The following CSNK2A2IP variants were observed in gnomAD, a reference collection of about 807,000 sequenced individuals.
CSNK2A2IP encodes the protein casein kinase II subunit alpha'-interacting protein.
At chr3:88,399,847 G>T in the CSNK2A2IP span, 1 of 152,206 alleles carries the variant, frequency 6.6e-6, no homozygotes, top group Non-Finnish European at 1.5e-5. Flanking sequence ...AAAGAAAAAT[G>T]AACCGGGGAA....
At chr3:88,424,113 C>T in the CSNK2A2IP span, among the ~76,000 whole-genome samples, 10 of 152,138 alleles carry the variant, frequency 6.6e-5, no homozygotes, top group Admixed American at 2.0e-4. Flanking sequence ...TTACTTGTCC[C>T]TACTTCTAAA....
chr3:88,388,451 CTT>C, the CSNK2A2IP span, among the ~76,000 whole-genome samples: 1 of 152,136 alleles, frequency 6.6e-6, no homozygotes, highest in African/African-American at 2.4e-5. Flanking sequence ...ATGTTACAGT[CTT>C]TGGTCAGAAT....
At chr3:88,411,339 AC>A in the CSNK2A2IP span, among the ~76,000 whole-genome samples, 1 of 149,684 alleles carries the variant, frequency 6.7e-6, no homozygotes, top group African/African-American at 2.5e-5. Flanking sequence ...TAGCTCACTC[AC>A]TCTATCTATC....
chr3:88,465,478 C>T, the CSNK2A2IP span: 2 of 1,231,528 alleles, frequency 1.6e-6, no homozygotes, highest in African/African-American at 3.1e-5. Context: ...ATTCAATAAC[C>T]AACCTATGGC....
At chr3:88,379,191 T>C in the CSNK2A2IP span, among the ~76,000 whole-genome samples, 3 of 152,030 alleles carry the variant, frequency 2.0e-5, no homozygotes, top group Non-Finnish European at 4.4e-5. Flanking sequence ...ATAGCTCTAA[T>C]CAGCATTTTG....
At chr3:88,465,014 A>G in the CSNK2A2IP span, 2 of 172,504 alleles carry the variant, frequency 1.2e-5, no homozygotes, top group African/African-American at 4.7e-5. Context: ...TGTAGTCACT[A>G]CAAGAAAGTA....
the CSNK2A2IP span, among the ~76,000 whole-genome samples, chr3:88,358,728 T>A: frequency 7.2e-4 from 110 of 152,180 alleles, no homozygotes; most frequent in Non-Finnish European, 1.2e-3. Flanking sequence ...GTTGTTGAAT[T>A]TGACTTGCTA....
the CSNK2A2IP span, among the ~76,000 whole-genome samples, chr3:88,356,196 A>G: frequency 1.3e-5 from 2 of 152,078 alleles, no homozygotes; most frequent in African/African-American, 4.8e-5. Context: ...TATTTCGTCT[A>G]TCTAACTGTA....
At chr3:88,346,495 G>A in the CSNK2A2IP span, among the ~76,000 whole-genome samples, 1 of 151,772 alleles carries the variant, frequency 6.6e-6, no homozygotes, top group African/African-American at 2.4e-5. Context: ...GTGGAGCCAG[G>A]GATCCTTTAC....
chr3:88,411,747 T>G, the CSNK2A2IP span, among the ~76,000 whole-genome samples: 1 of 151,738 alleles, frequency 6.6e-6, no homozygotes, highest in East Asian at 1.9e-4. Context: ...GAAAATTTAG[T>G]GTCTGAATTG....
chr3:88,349,175 T>A, the CSNK2A2IP span, among the ~76,000 whole-genome samples: 1 of 151,996 alleles, frequency 6.6e-6, no homozygotes, highest in Non-Finnish European at 1.5e-5. Flanking sequence ...GCAGGTGGTT[T>A]TTGGTTACAC....
the CSNK2A2IP span, among the ~76,000 whole-genome samples, chr3:88,462,460 C>CT: frequency 2.0e-5 from 3 of 152,070 alleles, no homozygotes; most frequent in African/African-American, 7.3e-5. Context: ...GCTGTGGTGT[C>CT]TCACCAGTAA....
the CSNK2A2IP span, among the ~76,000 whole-genome samples, chr3:88,455,189 C>A: frequency 6.6e-6 from 1 of 151,904 alleles, no homozygotes; most frequent in African/African-American, 2.4e-5. Context: ...CATAATGCTG[C>A]AATCTCTTGG....
the CSNK2A2IP span, among the ~76,000 whole-genome samples, chr3:88,396,411 C>T: frequency 2.6e-5 from 4 of 151,976 alleles, no homozygotes; most frequent in African/African-American, 9.7e-5. Context: ...GGCCGACTAC[C>T]TACTTCTTTA....
the CSNK2A2IP span, among the ~76,000 whole-genome samples, chr3:88,459,540 CTTGTT>C: frequency 6.6e-6 from 1 of 151,822 alleles, no homozygotes; most frequent in African/African-American, 2.4e-5. Context: ...ATTTTTTATT[CTTGTT>C]TTGTTTTGTT....
At chr3:88,371,449 T>C in the CSNK2A2IP span, among the ~76,000 whole-genome samples, 6 of 151,656 alleles carry the variant, frequency 4.0e-5, no homozygotes, top group African/African-American at 9.7e-5. Context: ...CAAAAGTAGA[T>C]TGGAGATGGC....
chr3:88,375,423 A>G, the CSNK2A2IP span, among the ~76,000 whole-genome samples: 89 of 151,868 alleles, frequency 5.9e-4, no homozygotes, highest in African/African-American at 2.1e-3. Flanking sequence ...CTATATTAGT[A>G]TTTTAGAGGA....
chr3:88,452,827 A>T, the CSNK2A2IP span, among the ~76,000 whole-genome samples: 786 of 152,276 alleles, frequency 5.2e-3, 10 homozygotes, highest in African/African-American at 0.018. Context: ...TCACATTTCT[A>T]TCTCTAACAG....
chr3:88,352,414 A>G, the CSNK2A2IP span, among the ~76,000 whole-genome samples: 1 of 152,150 alleles, frequency 6.6e-6, no homozygotes, highest in Non-Finnish European at 1.5e-5. Context: ...AGAAATTTAT[A>G]TTTTGTCATA....
Sources: gnomAD v4.1 joint callset for allele counts (sites outside exome capture counted in the v4.1 genomes callset) on GRCh38, gnomAD v4.1.1 for gene constraint, MANE v1.5 for transcripts, NCBI Gene and HGNC (gene_info 2026-07-23, HGNC 2026-07-21) for gene names.